NTM: variants seen among roughly 807,000 people sequenced by gnomAD.
The protein encoded by NTM is neurotrimin, also known as IgLON family member 2.
Under a neutral mutation model 42.1 loss-of-function variants are expected in NTM, and 13 were observed. The observed-to-expected ratio is 0.31, with a 90% confidence interval of 0.20 to 0.49. The LOEUF is 0.49. Among genes scored for constraint, NTM ranks in the 20% least tolerant of loss-of-function variants. The pLI is 0.99. For missense variants in NTM, 373 were observed against 452.8 expected, an observed-to-expected ratio of 0.82 and a Z score of 1.60; for synonymous variants, 187 against 179.2, an observed-to-expected ratio of 1.04 and a Z score of -0.35.
chr11:132,220,016 T>C (rs1328651927), intron 4 of NTM, among the ~76,000 whole-genome samples: 1 of 152,216 alleles, frequency 6.6e-6, no homozygotes, highest in Non-Finnish European at 1.5e-5. Context: ...AAATTCCCAG[T>C]ACCCCAAGAA....
intron 3 of NTM, among the ~76,000 whole-genome samples, chr11:132,150,188 G>A (rs146748617): frequency 5.3e-5 from 8 of 152,180 alleles, no homozygotes; most frequent in East Asian, 3.9e-4. Flanking sequence ...CAGCAGGGAC[G>A]GTGCCAGGCT....
intron 1 of NTM, among the ~76,000 whole-genome samples, chr11:131,756,373 C>A (rs1314966135): frequency 6.6e-6 from 1 of 151,916 alleles, no homozygotes; most frequent in Non-Finnish European, 1.5e-5. Context: ...CACTTGAGCC[C>A]GGGAGTTCAA....
chr11:132,102,029 G>A (rs1333158169), intron 2 of NTM, among the ~76,000 whole-genome samples: 16 of 152,226 alleles, frequency 1.1e-4, no homozygotes, highest in Non-Finnish European at 2.2e-4. Flanking sequence ...CAATGGATCC[G>A]TTCAGTCATT....
intron 2 of NTM, among the ~76,000 whole-genome samples, chr11:131,956,940 A>C (rs759972888): frequency 1.2e-4 from 18 of 150,736 alleles, no homozygotes; most frequent in Non-Finnish European, 2.2e-4. Flanking sequence ...TGGAAAGATG[A>C]GCAAACAAGC....
At chr11:131,410,065 G>T (rs1946209909) in intron 1 of NTM, among the ~76,000 whole-genome samples, 1 of 152,238 alleles carries the variant, frequency 6.6e-6, no homozygotes, top group South Asian at 2.1e-4. Flanking sequence ...GCTTTCCCTG[G>T]AGCAGGGAGC....
intron 1 of NTM, among the ~76,000 whole-genome samples, chr11:131,883,338 T>C (rs544789783): frequency 6.6e-6 from 1 of 152,334 alleles, no homozygotes; most frequent in Non-Finnish European, 1.5e-5. Context: ...TCCATCATGA[T>C]GCCACAAAAT....
chr11:131,989,141 A>G (rs186698871), intron 2 of NTM, among the ~76,000 whole-genome samples: 344 of 152,298 alleles, frequency 2.3e-3, no homozygotes, highest in Non-Finnish European at 2.9e-3. Context: ...TTTTTAAAAT[A>G]CACTGGACTG....
At chr11:131,464,361 G>T (rs532708183) in intron 1 of NTM, among the ~76,000 whole-genome samples, 5 of 95,818 alleles carry the variant, frequency 5.2e-5, no homozygotes, top group East Asian at 6.5e-4. Flanking sequence ...GGGAAAGCTG[G>T]GGGGGGGGCA....
chr11:132,324,939 AAT>A (rs1177800614), intron 7 of NTM, among the ~76,000 whole-genome samples: 2 of 151,436 alleles, frequency 1.3e-5, no homozygotes, highest in Non-Finnish European at 3.0e-5. Context: ...CTATTTAATA[AAT>A]GGTGCTGGGA....
chr11:131,597,164 A>G (rs2059883530), intron 1 of NTM, among the ~76,000 whole-genome samples: 1 of 152,144 alleles, frequency 6.6e-6, no homozygotes, highest in African/African-American at 2.4e-5. Flanking sequence ...AATACTTTGT[A>G]TCCTTTAATC....
intron 3 of NTM, among the ~76,000 whole-genome samples, chr11:132,192,544 C>T (rs2079481432): frequency 1.3e-5 from 2 of 152,228 alleles, no homozygotes; most frequent in East Asian, 1.9e-4. Context: ...AGAATAGTAC[C>T]TGCCATGCTT....
intron 2 of NTM, among the ~76,000 whole-genome samples, chr11:131,912,965 G>C (rs1270431027): frequency 6.6e-6 from 1 of 152,208 alleles, no homozygotes; most frequent in Non-Finnish European, 1.5e-5. Flanking sequence ...CAAGCATCCA[G>C]TGATCCTTTG....
chr11:132,005,089 C>G (rs1174247001), intron 2 of NTM, among the ~76,000 whole-genome samples: 1 of 152,042 alleles, frequency 6.6e-6, no homozygotes, highest in African/African-American at 2.4e-5. Flanking sequence ...CAGAGGATGG[C>G]ACTATGAAAT....
At chr11:132,026,234 C>T (rs535042975) in intron 2 of NTM, among the ~76,000 whole-genome samples, 2 of 152,266 alleles carry the variant, frequency 1.3e-5, no homozygotes, top group East Asian at 1.9e-4. Flanking sequence ...TAATGTATTT[C>T]CCTGGCAGTA....
At chr11:131,718,806 C>T (rs1296911679) in intron 1 of NTM, among the ~76,000 whole-genome samples, 3 of 152,120 alleles carry the variant, frequency 2.0e-5, no homozygotes, top group South Asian at 2.1e-4. Context: ...ACCTGATTAC[C>T]TCTCCCTGCA....
chr11:131,949,034 C>T (rs540596695), intron 2 of NTM, among the ~76,000 whole-genome samples: 5 of 152,272 alleles, frequency 3.3e-5, no homozygotes, highest in East Asian at 1.9e-4. Flanking sequence ...GGTGACTCTA[C>T]GTGTTTGAGT....
intron 1 of NTM, among the ~76,000 whole-genome samples, chr11:131,436,151 T>C (rs568626945): frequency 1.7e-4 from 26 of 152,326 alleles, no homozygotes; most frequent in African/African-American, 6.0e-4. Context: ...TTGATCGTGG[T>C]GGATAAGCTT....
At chr11:131,624,043 G>C (rs532977574) in intron 1 of NTM, among the ~76,000 whole-genome samples, 65 of 152,296 alleles carry the variant, frequency 4.3e-4, no homozygotes, top group African/African-American at 1.5e-3. Context: ...ATGTCAGGGG[G>C]TTTTTGCCCC....
At chr11:132,037,413 A>G (rs1237969369) in intron 2 of NTM, among the ~76,000 whole-genome samples, 3 of 152,092 alleles carry the variant, frequency 2.0e-5, no homozygotes, top group African/African-American at 4.8e-5. Context: ...ATTATAATCC[A>G]TCTTGGGTAT....
Sources: allele counts gnomAD v4.1 joint callset (sites outside exome capture counted in the v4.1 genomes callset), GRCh38; gene constraint gnomAD v4.1.1; transcripts MANE v1.5; gene names NCBI Gene and HGNC (gene_info 2026-07-23, HGNC 2026-07-21).